Variants in TNS1 observed in about 807,000 individuals in gnomAD.
TNS1 encodes the protein tensin-1.
A neutral mutation model predicts 168.6 loss-of-function variants in TNS1; 62 were observed. The ratio of observed to expected loss-of-function variants is 0.37; its 90% CI spans 0.30 to 0.45. The LOEUF (loss-of-function observed/expected upper bound fraction) is 0.45, where lower values mean the gene tolerates loss of function less well. Among genes scored for constraint, TNS1 ranks in the 20% least tolerant of loss-of-function variants. The pLI is 1.00. For missense variants in TNS1, 2,240 were observed against 2,339.4 expected, an observed-to-expected ratio of 0.96 and a Z score of 0.88; for synonymous variants, 934 against 933.2, an observed-to-expected ratio of 1.00 and a Z score of -0.02.
intron 3 of TNS1, among the ~76,000 whole-genome samples, chr2:217,951,017 TC>T (rs1411067996): frequency 6.6e-6 from 1 of 152,124 alleles, no homozygotes; most frequent in African/African-American, 2.4e-5. Context: ...GAAACTTCCC[TC>T]CTGAGGACTT....
At chr2:217,872,148 T>TTA (rs1949827843) in intron 18 of TNS1, among the ~76,000 whole-genome samples, 1 of 152,220 alleles carries the variant, frequency 6.6e-6, no homozygotes, top group African/African-American at 2.4e-5. Flanking sequence ...AACGTGAAAG[T>TTA]ACTTGGGTCT....
At chr2:217,865,557 T>G (rs909735538) in intron 18 of TNS1, among the ~76,000 whole-genome samples, 22 of 152,324 alleles carry the variant, frequency 1.4e-4, no homozygotes, top group Middle Eastern at 3.4e-3. Context: ...AACACTTTGC[T>G]GCTAACAATT....
In TNS1 at chr2:217,887,087, G is replaced by A. The variant is rs1318708048; in HGVS notation, c.867-441C>T. Among the ~76,000 whole-genome samples the A allele has an allele frequency of 4.6e-5, 7 of 152,256 alleles. No homozygotes were observed. The South Asian group carries it at 8.3e-4, about 18-fold the overall frequency. On this transcript the variant is annotated intron_variant, in intron 12 of 32. Coordinates refer to ENST00000682258, the MANE Select transcript of TNS1 (RefSeq NM_001387777.1). ...CACACAAAGCTCAAATCAAGCTTGCGCTCATACTCACAGCCCCAGTTCTGC... is the reference window on the plus strand; with the variant it reads ...CACACAAAGCTCAAATCAAGCTTGCACTCATACTCACAGCCCCAGTTCTGC...
intron 3 of TNS1, among the ~76,000 whole-genome samples, chr2:217,958,686 C>T (rs1156687804): frequency 1.3e-5 from 2 of 152,158 alleles, no homozygotes; most frequent in Non-Finnish European, 2.9e-5. Flanking sequence ...GTGGCAGAGC[C>T]GGATGTTGAA....
intron 3 of TNS1, among the ~76,000 whole-genome samples, chr2:217,925,188 C>T (rs1175705246): frequency 6.6e-6 from 1 of 152,160 alleles, no homozygotes; most frequent in Non-Finnish European, 1.5e-5. Context: ...TTTCTCAAAC[C>T]AAACCCCTTT....
intron 19 of TNS1, 94 bp from the exon 20 acceptor site, chr2:217,836,305 G>C: frequency 7.9e-7 from 1 of 1,260,014 alleles, no homozygotes. Context: ...GTGCCTCCTA[G>C]CTCAGAGGCC....
chr2:217,994,601 C>T (rs2105960385), intron 1 of TNS1, among the ~76,000 whole-genome samples: 1 of 152,330 alleles, frequency 6.6e-6, no homozygotes, highest in East Asian at 1.9e-4. Context: ...GTTGGGGCAG[C>T]AGAGTCTCCC....
intron 17 of TNS1, chr2:217,881,391 TG>T (rs1463995430): frequency 1.6e-5 from 3 of 188,830 alleles, no homozygotes; most frequent in Non-Finnish European, 3.3e-5. Flanking sequence ...GGTCAGACCC[TG>T]GGGGTGGGGG....
chr2:217,929,885 T>C (rs1302982624), intron 3 of TNS1, among the ~76,000 whole-genome samples: 1 of 152,104 alleles, frequency 6.6e-6, no homozygotes, highest in African/African-American at 2.4e-5. Flanking sequence ...ACAACACTGG[T>C]CTCCCTGCCC....
intron 8 of TNS1, among the ~76,000 whole-genome samples, chr2:217,896,323 C>G (rs1211221973): frequency 6.6e-6 from 1 of 152,170 alleles, no homozygotes; most frequent in Admixed American, 6.5e-5. Context: ...CAGAATACAA[C>G]CTTATTTGGA....
chr2:217,920,648 G>T (rs192795183), intron 3 of TNS1, among the ~76,000 whole-genome samples: 1 of 150,710 alleles, frequency 6.6e-6, no homozygotes, highest in African/African-American at 2.5e-5. Flanking sequence ...CTGTGATTAG[G>T]ACCATCATCA....
At chr2:217,926,694 G>A (rs1054058973) in intron 3 of TNS1, among the ~76,000 whole-genome samples, 5 of 152,240 alleles carry the variant, frequency 3.3e-5, no homozygotes, top group African/African-American at 1.2e-4. Context: ...CTCTCTGCAT[G>A]TCAAGCACTG....
rs769139168 is a variant in TNS1 at position 217,831,485 on chromosome 2, G to A, written c.3343C>T (p.Pro1115Ser). 3.1e-6 allele frequency: 5 copies of A among 1,588,564 alleles called. No homozygotes were observed. The African/African-American group carries it at 6.8e-5, about 22-fold the overall frequency. ...GTGGGGTGCAACAGGATGTCCGCTG[G>A]GTTGTGAGGTTTCAGGCCCAGAGCA... ...LSALGLKPHN[P>S]ADILLHPTGE... Residue 1115 changes from proline (P) to serine (S), a missense_variant, in exon 22 of 33, where the codon CCA becomes TCA. By Grantham distance (74) the Pro-to-Ser change is moderately conservative. Transcript: ENST00000682258.
intron 24 of TNS1, chr2:217,815,204 G>A (rs1941691860): frequency 5.2e-6 from 3 of 572,178 alleles, no homozygotes; most frequent in Non-Finnish European, 9.5e-6. Context: ...CTTACAAGGA[G>A]AGGAGACAGA....
intron 6 of TNS1, chr2:217,902,078 G>C (rs899396266): frequency 6.6e-6 from 1 of 152,216 alleles, no homozygotes; most frequent in South Asian, 2.1e-4. Context: ...GTCAAGCTTG[G>C]GGGTGGGGGG....
intron 19 of TNS1, among the ~76,000 whole-genome samples, chr2:217,842,337 C>T (rs927288222): frequency 7.0e-6 from 1 of 142,984 alleles, no homozygotes; most frequent in Non-Finnish European, 1.5e-5. Context: ...GTCCAAAAGT[C>T]ATGTTTCTAG....
chr2:217,874,125 C>A (rs1950015342), intron 18 of TNS1, among the ~76,000 whole-genome samples: 1 of 151,044 alleles, frequency 6.6e-6, no homozygotes, highest in Admixed American at 6.6e-5. Context: ...TTATTTATTA[C>A]CCACCAAAAG....
Position 217,849,049 on chromosome 2 carries a change from G to C in TNS1, c.1468C>G (p.Leu490Val), listed in dbSNP as rs143053944. ...GHTQGPLDGS[L>V]YAKVKKKDSL... ...TCTTTCTTCTTCACCTTAGCATACA[G>C]GCTCCCATCTAGTGGCCCCTGCGTG... Residue 490 changes from leucine (L) to valine (V), a missense_variant, in exon 19 of 33, where the codon CTG becomes GTG. This residue lies in a region of TNS1 where 2,131 missense variants were observed against 2,171.2 expected (regional missense o/e 0.98). Transcript: ENST00000682258. 9.3e-4 allele frequency: 1,501 copies of C among 1,613,514 alleles called. 9 individuals carry two copies. The highest frequency in any genetic ancestry group is 1.9e-4 in the Non-Finnish European group (220 of 1,179,828).
chr2:217,868,819 A>G (rs1158859828), intron 18 of TNS1, among the ~76,000 whole-genome samples: 2 of 152,214 alleles, frequency 1.3e-5, no homozygotes, highest in African/African-American at 4.8e-5. Flanking sequence ...GGATCTTCCC[A>G]TCTAAAGACT....
Sources: gnomAD v4.1 joint callset for allele counts (sites outside exome capture counted in the v4.1 genomes callset) on GRCh38, gnomAD v4.1.1 for gene constraint, gnomAD v4.1.1 regional missense constraint, MANE v1.5 for transcripts, NCBI Gene and HGNC (gene_info 2026-07-23, HGNC 2026-07-21) for gene names.